Variants in MGAT5 observed in about 807,000 individuals in gnomAD.
The protein encoded by MGAT5 is alpha-1,6-mannosylglycoprotein 6-beta-N-acetylglucosaminyltransferase A.
MGAT5 carries 30 observed loss-of-function variants against 94.3 expected under a neutral mutation model. That is an observed-to-expected ratio of 0.32 (90% confidence interval 0.24 to 0.43). MGAT5 has a LOEUF of 0.43. Among genes scored for constraint, MGAT5 ranks in the 20% least tolerant of loss-of-function variants. The pLI is 1.00. For synonymous variants in MGAT5, 310 were observed against 322.9 expected (o/e 0.96, Z 0.43); for missense variants, 691 against 905.5 (o/e 0.76, Z 3.04).
At chr2:134,367,762 A>C (rs1289601598) in intron 10 of MGAT5, among the ~76,000 whole-genome samples, 1 of 152,198 alleles carries the variant, frequency 6.6e-6, no homozygotes, top group Non-Finnish European at 1.5e-5. Flanking sequence ...TGAAATCCTG[A>C]TCACTCTAGA....
chr2:134,316,110 A>G (rs1686982823), intron 2 of MGAT5, among the ~76,000 whole-genome samples: 1 of 152,202 alleles, frequency 6.6e-6, no homozygotes, highest in Non-Finnish European at 1.5e-5. Flanking sequence ...TGGAAAATAT[A>G]GTAGCTCTGA....
At chr2:134,446,623 T>C (rs1259663433) in intron 15 of MGAT5, among the ~76,000 whole-genome samples, 3 of 152,184 alleles carry the variant, frequency 2.0e-5, no homozygotes, top group African/African-American at 7.2e-5. Context: ...ATTGACTTCC[T>C]GCCCTCTCCC....
chr2:134,215,593 T>C (rs146474441), intron 1 of MGAT5, among the ~76,000 whole-genome samples: 2,639 of 152,290 alleles, frequency 0.017, 44 homozygotes, highest in Middle Eastern at 0.13. Context: ...ACTCAGTCAC[T>C]CTCTTGATAC....
intron 9 of MGAT5, 148 bp from the exon 10 acceptor site, chr2:134,362,127 A>G (rs1056300214): frequency 2.2e-6 from 2 of 898,598 alleles, no homozygotes; most frequent in South Asian, 1.6e-5. Context: ...AGAGATGACA[A>G]TCCCTCACCT....
chr2:134,432,718 T>G (rs1402357394), intron 14 of MGAT5, among the ~76,000 whole-genome samples: 1 of 152,194 alleles, frequency 6.6e-6, no homozygotes, highest in Admixed American at 6.6e-5. Context: ...TTTCTGACCT[T>G]GGGCAAGTTA....
chr2:134,325,007 A>ATT (rs11438944), intron 4 of MGAT5, among the ~76,000 whole-genome samples: 51 of 59,032 alleles, frequency 8.6e-4, no homozygotes, highest in African/African-American at 2.1e-3. Flanking sequence ...TAGTAAAAGA[A>ATT]TTTAAAAAAA....
intron 1 of MGAT5, among the ~76,000 whole-genome samples, chr2:134,138,215 C>CTTT (rs5834400): frequency 2.1e-4 from 31 of 148,928 alleles, no homozygotes; most frequent in Admixed American, 5.3e-4. Flanking sequence ...TATCATTGCC[C>CTTT]TTTTTTTTTT....
At chr2:134,330,112 A>G (rs1687873263) in intron 4 of MGAT5, among the ~76,000 whole-genome samples, 1 of 152,152 alleles carries the variant, frequency 6.6e-6, no homozygotes. Flanking sequence ...GAATATTTAG[A>G]TATATAGTCA....
At chr2:134,143,022 A>G (rs1255948830) in intron 1 of MGAT5, among the ~76,000 whole-genome samples, 1 of 151,938 alleles carries the variant, frequency 6.6e-6, no homozygotes, top group East Asian at 1.9e-4. Flanking sequence ...GGGTGGGAGG[A>G]CAAATGTGAG....
chr2:134,238,114 G>A (rs528037441), intron 1 of MGAT5, among the ~76,000 whole-genome samples: 52 of 152,192 alleles, frequency 3.4e-4, no homozygotes, highest in South Asian at 2.1e-4. Context: ...CCTTCTAAGC[G>A]TGAAGCTCTC....
In MGAT5 at chr2:134,407,054, A is replaced by G. The variant is rs1370715554; in HGVS notation, c.1530+3917A>G. Reference sequence around the variant, plus strand: ...ATAAAGAATGAAAGAAGGAGTCAAAATGAAACACATTGACCATCTGGGATC... The same window carrying G: ...ATAAAGAATGAAAGAAGGAGTCAAAGTGAAACACATTGACCATCTGGGATC... On this transcript the variant is annotated intron_variant, in intron 11 of 15. Transcript: ENST00000281923. Among the ~76,000 whole-genome samples the G allele has an allele frequency of 2.6e-5, 4 of 152,320 alleles. No homozygotes were observed. The East Asian group carries it at 7.7e-4, about 29-fold the overall frequency.
chr2:134,284,248 C>T (rs1684873709), intron 2 of MGAT5, among the ~76,000 whole-genome samples: 1 of 152,162 alleles, frequency 6.6e-6, no homozygotes, highest in Non-Finnish European at 1.5e-5. Context: ...TAGTGGGCCA[C>T]ATTTACATAG....
intron 4 of MGAT5, among the ~76,000 whole-genome samples, chr2:134,329,071 ATACTAAAACAAAAACTGTTGTTTGTC>A (rs138466138): frequency 0.019 from 2,854 of 152,200 alleles, 98 homozygotes; most frequent in African/African-American, 0.066. Flanking sequence ...GGACATACTT[ATACTAAAACAAAAACTGTTGTTTGTC>A]TACGGTTAAA....
intron 1 of MGAT5, among the ~76,000 whole-genome samples, chr2:134,224,082 G>T (rs530924816): frequency 6.6e-6 from 1 of 152,304 alleles, no homozygotes; most frequent in South Asian, 2.1e-4. Context: ...GTTTAACTTG[G>T]AAATGCCATT....
chr2:134,439,930 G>A (rs1323941908), intron 14 of MGAT5, among the ~76,000 whole-genome samples: 1 of 152,118 alleles, frequency 6.6e-6, no homozygotes, highest in African/African-American at 2.4e-5. Context: ...AGGAGCCCTG[G>A]GCCCTGAGAT....
chr2:134,390,182 G>A (rs958110175), intron 10 of MGAT5, among the ~76,000 whole-genome samples: 1 of 152,188 alleles, frequency 6.6e-6, no homozygotes, highest in African/African-American at 2.4e-5. Context: ...ATATTACACT[G>A]TAAAGAAACA....
At chr2:134,138,855 A>T (rs1350724033) in intron 1 of MGAT5, among the ~76,000 whole-genome samples, 3 of 152,202 alleles carry the variant, frequency 2.0e-5, no homozygotes, top group Non-Finnish European at 4.4e-5. Flanking sequence ...GGTGCTATTG[A>T]TGATTATGCT....
Position 134,201,142 on chromosome 2 carries a change from C to T in MGAT5, c.-142-53120C>T, listed in dbSNP as rs534100166. On this transcript the variant is annotated intron_variant, in intron 1 of 16. Coordinates refer to the MGAT5 transcript ENST00000409645. ...ATGCCCTCTGTGCTTGATCTTACTT[C>T]GGGGGCTATTTCCTAAAAATATAAT... Among the ~76,000 whole-genome samples the T allele has an allele frequency of 9.2e-5, 14 of 152,062 alleles. No homozygotes were observed. In the East Asian group the frequency reaches 2.6e-3, roughly 28 times the overall value.
rs944330834 is a variant in MGAT5 at position 134,142,645 on chromosome 2, T to A, written c.-143+22354T>A. ...GGAGCCAAGGCCTTCTGCGTTTTTA[T>A]TGGTTTTGGCAAGTTGCAAATCCCA... On this transcript the variant is annotated intron_variant, in intron 1 of 16. Coordinates refer to the MGAT5 transcript ENST00000409645. Among the ~76,000 whole-genome samples, 11 of 152,238 alleles carry A rather than the reference T, an allele frequency of 7.2e-5. No homozygotes were observed. The East Asian group carries it at 1.9e-3, about 27-fold the overall frequency.
Sources: gnomAD v4.1 joint callset for allele counts (sites outside exome capture counted in the v4.1 genomes callset) on GRCh38, gnomAD v4.1.1 for gene constraint, MANE v1.5 for transcripts, NCBI Gene and HGNC (gene_info 2026-07-23, HGNC 2026-07-21) for gene names.